The following TEX36 variants were observed in gnomAD, a reference collection of about 807,000 sequenced individuals.
TEX36 encodes testis expressed 36, also known as testis-expressed protein 36.
In TEX36, 12 loss-of-function variants were observed where a neutral mutation model predicts 13.6. The observed-to-expected ratio is 0.88, with a 90% CI of 0.56 to 1.43. The LOEUF is 1.43. Ranked by LOEUF, TEX36 falls within the 40% of genes most tolerant of loss-of-function variation. The probability of loss-of-function intolerance (pLI) is 0.00; values close to 1 mark genes in which losing one functional copy is unlikely to be tolerated. For synonymous variants in TEX36, 93 were observed against 83.0 expected (o/e 1.12, Z -0.65); for missense variants, 224 against 228.3 (o/e 0.98, Z 0.12).
chr10:125,602,781 A>G (rs1846165451), intron 3 of TEX36, among the ~76,000 whole-genome samples: 1 of 152,250 alleles, frequency 6.6e-6, no homozygotes, highest in Non-Finnish European at 1.5e-5. Flanking sequence ...CTATGTGTTT[A>G]TATTTCTATG....
In TEX36 at chr10:125,683,089, C is replaced by T. The variant is rs769017544; in HGVS notation, c.-100G>A. ...CTTCCTAAACTTCATAAGCTCTACA[C>T]GTCTGGGAAGCTCCTCCTCCTCCTT... is the stretch of plus-strand genomic sequence containing the variant. On this transcript the variant is annotated 5_prime_UTR_variant, in exon 1 of 4. In the 5' UTR this introduces an upstream ATG that the reference lacks. Coordinates refer to ENST00000368821, the MANE Select transcript of TEX36 (RefSeq NM_001128202.3). 3.6e-5 allele frequency: 48 copies of T among 1,332,148 alleles called. No individual in the cohort carries two copies. Among genetic ancestry groups the T allele is most frequent in the South Asian group, 2.3e-4 (18 of 79,604 alleles). The allele number at this position is 1,332,148 out of a possible 1,614,324, so 82.5% of individuals were successfully genotyped here. A position where few individuals can be genotyped will look rare whatever the true frequency, so the allele number is the denominator to read the frequency against.
At chr10:125,636,356 C>CTT in intron 3 of TEX36, among the ~76,000 whole-genome samples, 1 of 151,602 alleles carries the variant, frequency 6.6e-6, no homozygotes, top group South Asian at 2.1e-4. Context: ...CAGGCGCCCG[C>CTT]TACCACACCC....
chr10:125,667,795 G>T, intron 1 of TEX36: 2 of 1,045,048 alleles, frequency 1.9e-6, no homozygotes, highest in Non-Finnish European at 1.5e-6. Context: ...AGTTCTCTTT[G>T]GTGTTCTCGG....
intron 3 of TEX36, among the ~76,000 whole-genome samples, chr10:125,611,086 A>T (rs1846283976): frequency 6.6e-6 from 1 of 152,196 alleles, no homozygotes. Context: ...GTTCCTGTAC[A>T]ATGCAAATTT....
rs565268676 is a variant in TEX36 at position 125,682,344 on chromosome 10, G to A, written c.51+595C>T. On this transcript the variant is annotated intron_variant, in intron 1 of 3. Coordinates refer to ENST00000368821, the MANE Select transcript of TEX36 (RefSeq NM_001128202.3). ...AAGAGTTGGGGGAGAGCGTGAAGCT[G>A]GAAAGGGAAAGTTTTCAAGTGATGA... 5.4e-4 allele frequency among the ~76,000 whole-genome samples: 82 copies of A among 152,280 alleles called. 1 individual carries two copies. The highest frequency in any genetic ancestry group is 9.6e-4 in the East Asian group (5 of 5,190).
At chr10:125,682,451 G>T (rs1847411757) in intron 1 of TEX36, among the ~76,000 whole-genome samples, 1 of 152,198 alleles carries the variant, frequency 6.6e-6, no homozygotes, top group South Asian at 2.1e-4. Context: ...GAGCCAACAA[G>T]AATTTGTTTA....
downstream of TEX36, among the ~76,000 whole-genome samples, chr10:125,619,320 T>C (rs144609379): frequency 9.6e-3 from 1,455 of 151,718 alleles, 7 homozygotes; most frequent in Middle Eastern, 0.024. Flanking sequence ...CACCACCAAG[T>C]TCAGGGGAAG....
chr10:125,682,864 G>A, intron 1 of TEX36, 75 bp downstream of exon 1: 2 of 1,467,682 alleles, frequency 1.4e-6, no homozygotes, highest in Non-Finnish European at 1.9e-6. Flanking sequence ...AGTAGAAGCA[G>A]GATTGGAACT....
chr10:125,581,366 C>A lies in TEX36; in HGVS notation c.265-4492G>T, dbSNP rs77975523. Among the ~76,000 whole-genome samples, 1,022 of 152,290 alleles carry A rather than the reference C, an allele frequency of 6.7e-3. 9 individuals are homozygous for A. Among genetic ancestry groups the A allele is most frequent in the African/African-American group, 0.022 (910 of 41,556 alleles). On this transcript the variant is annotated intron_variant, in intron 3 of 3. Transcript: ENST00000532135. ...CTGTTGCCCCTAGCATAACTCACCA[C>A]TCAGGCACATCTTCCTGGGTAATTC...
chr10:125,599,852 A>G (rs942315651), intron 3 of TEX36, among the ~76,000 whole-genome samples: 4 of 152,172 alleles, frequency 2.6e-5, no homozygotes, highest in Admixed American at 2.0e-4. Flanking sequence ...GAGGCCCTTC[A>G]GGTGGACCTT....
At chr10:125,630,528 A>G (rs1188883136) in intron 3 of TEX36, among the ~76,000 whole-genome samples, 2 of 152,172 alleles carry the variant, frequency 1.3e-5, no homozygotes, top group Non-Finnish European at 2.9e-5. Context: ...TTTATGATGC[A>G]GCCTCAGGAA....
chr10:125,609,169 C>A (rs78904907), intron 3 of TEX36, among the ~76,000 whole-genome samples: 8,449 of 58,808 alleles, frequency 0.14, 1,047 homozygotes, highest in African/African-American at 0.48. Context: ...AAAAACAAAA[C>A]AAAAAAAAAA....
chr10:125,592,560 A>G (rs1413775861), intron 3 of TEX36, among the ~76,000 whole-genome samples: 1 of 152,144 alleles, frequency 6.6e-6, no homozygotes, highest in Admixed American at 6.5e-5. Context: ...CTGCACATCC[A>G]GCAATTCTCT....
chr10:125,640,182 T>C lies in TEX36; in HGVS notation c.265-18537A>G, dbSNP rs1159799077. The C allele has an allele frequency of 3.0e-6, 3 of 985,334 alleles. No homozygotes were observed. The African/African-American group carries it at 5.2e-5, about 17-fold the overall frequency. The allele number at this position is 985,334 out of a possible 1,614,324, so 61.0% of individuals were successfully genotyped here. A position where few individuals can be genotyped will look rare whatever the true frequency, so the allele number is the denominator to read the frequency against. ...CAGTGCCCAAGTGGAGTAGAAATCA[T>C]TGTTCTTGGACTGAACATTCTGATG... On this transcript the variant is annotated intron_variant, in intron 3 of 3. Transcript: ENST00000526819.
At chr10:125,582,182 G>A (rs1349393776) in intron 3 of TEX36, among the ~76,000 whole-genome samples, 2 of 152,224 alleles carry the variant, frequency 1.3e-5, no homozygotes, top group Admixed American at 1.3e-4. Context: ...GGGTGGAGTG[G>A]TGCCCTCAGG....
At chr10:125,603,174 T>A (rs1460486689) in intron 3 of TEX36, among the ~76,000 whole-genome samples, 1 of 152,160 alleles carries the variant, frequency 6.6e-6, no homozygotes, top group Non-Finnish European at 1.5e-5. Context: ...ATTTGTCCAA[T>A]AAAACTACTT....
intron 3 of TEX36, among the ~76,000 whole-genome samples, chr10:125,615,064 C>A (rs1297096199): frequency 6.6e-6 from 1 of 152,126 alleles, no homozygotes; most frequent in African/African-American, 2.4e-5. Context: ...GGAGTTCACT[C>A]ATGATTTGGC....
At chr10:125,644,987 T>C (rs1038358411) in intron 3 of TEX36, among the ~76,000 whole-genome samples, 2 of 152,098 alleles carry the variant, frequency 1.3e-5, no homozygotes, top group African/African-American at 4.8e-5. Flanking sequence ...TAACAGCAAA[T>C]GAGGAAGCAG....
chr10:125,655,759 A>G lies in TEX36; in HGVS notation c.*141T>C. On this transcript the variant is annotated 3_prime_UTR_variant, in exon 4 of 4. Transcript: ENST00000368821. ...GTCATCACAAATTCATTTCACAAGG[A>G]TTTGAATGTTTTTTGACCTTATAAA... The G allele has an allele frequency of 7.5e-7, 1 of 1,338,484 alleles. No individual in the cohort carries two copies. Among genetic ancestry groups the G allele is most frequent in the Non-Finnish European group, 9.6e-7 (1 of 1,046,352 alleles). The allele number at this position is 1,338,484 out of a possible 1,614,324, so 82.9% of individuals were successfully genotyped here. A position where few individuals can be genotyped will look rare whatever the true frequency, so the allele number is the denominator to read the frequency against.
Sources: gnomAD v4.1 joint callset for allele counts (sites outside exome capture counted in the v4.1 genomes callset) on GRCh38, gnomAD v4.1.1 for gene constraint, MANE v1.5 for transcripts, NCBI Gene and HGNC (gene_info 2026-07-23, HGNC 2026-07-21) for gene names.